KCNMA1: variants seen among roughly 807,000 people sequenced by gnomAD.
KCNMA1 encodes the protein Calcium-activated potassium channel subunit alpha-1.
A neutral mutation model predicts 140.0 loss-of-function variants in KCNMA1; 29 were observed. That is an observed-to-expected ratio of 0.21 (90% CI 0.15 to 0.28). KCNMA1 has a LOEUF of 0.28. Among genes scored for constraint, KCNMA1 ranks in the 10% least tolerant of loss-of-function variants. The probability of loss-of-function intolerance (pLI) is 1.00; values close to 1 mark genes in which losing one functional copy is unlikely to be tolerated. For synonymous variants in KCNMA1, 612 were observed against 611.9 expected, an observed-to-expected ratio of 1.00 and a Z score of 0.00; for missense variants, 880 against 1,602.2, an observed-to-expected ratio of 0.55 and a Z score of 7.70.
At chr10:77,417,175 C>CCCAAAGCTCT (rs1457099484) in intron 1 of KCNMA1, among the ~76,000 whole-genome samples, 1 of 152,206 alleles carries the variant, frequency 6.6e-6, no homozygotes, top group African/African-American at 2.4e-5. Flanking sequence ...GCTAGATCTC[C>CCCAAAGCTCT]CCAAAGCTCT....
chr10:77,000,541 A>G (rs2085899979), intron 19 of KCNMA1, among the ~76,000 whole-genome samples: 1 of 152,148 alleles, frequency 6.6e-6, no homozygotes, highest in Non-Finnish European at 1.5e-5. Flanking sequence ...GAGCTTGTGG[A>G]TGACAAAGAA....
In KCNMA1 at chr10:77,246,696, A is replaced by C. The variant is rs555811357; in HGVS notation, c.602+4499T>G. 2.0e-5 allele frequency among the ~76,000 whole-genome samples: 3 copies of C among 152,334 alleles called. No homozygotes were observed. In the East Asian group the frequency reaches 5.8e-4, roughly 29 times the overall value. Reference sequence around the variant, plus strand: ...CCTGGAAAATATTCAGCATTATCACATTTGAAGATGTTACAAACTAATAAA... The same window carrying C: ...CCTGGAAAATATTCAGCATTATCACCTTTGAAGATGTTACAAACTAATAAA... On this transcript the variant is annotated intron_variant, in intron 3 of 27. Coordinates refer to ENST00000286628, the MANE Select transcript of KCNMA1 (RefSeq NM_001161352.2).
intron 1 of KCNMA1, among the ~76,000 whole-genome samples, chr10:77,422,847 C>T (rs1383210086): frequency 6.6e-6 from 1 of 152,192 alleles, no homozygotes; most frequent in Admixed American, 6.5e-5. Context: ...AAGGAGAAAC[C>T]CTACAGGCTT....
intron 1 of KCNMA1, among the ~76,000 whole-genome samples, chr10:77,532,976 T>TC (rs1176047235): frequency 6.6e-6 from 1 of 152,240 alleles, no homozygotes; most frequent in Non-Finnish European, 1.5e-5. Flanking sequence ...CCTTAGCTCC[T>TC]CTACCATCTG....
intron 2 of KCNMA1, among the ~76,000 whole-genome samples, chr10:77,353,338 A>G (rs2093116592): frequency 6.6e-6 from 1 of 152,168 alleles, no homozygotes; most frequent in Admixed American, 6.5e-5. Flanking sequence ...GTAGGGCTCA[A>G]GAAGGATCAT....
intron 23 of KCNMA1, among the ~76,000 whole-genome samples, chr10:76,941,495 C>T (rs942330054): frequency 7.2e-5 from 11 of 152,108 alleles, no homozygotes; most frequent in African/African-American, 2.7e-4. Flanking sequence ...TTGATGGCTC[C>T]CACTGGACCA....
chr10:77,178,230 A>C (rs1464303210), intron 5 of KCNMA1, among the ~76,000 whole-genome samples: 3 of 152,186 alleles, frequency 2.0e-5, no homozygotes, highest in Non-Finnish European at 1.5e-5. Context: ...CAGTCAAAGA[A>C]CAGGGGATGG....
At chr10:77,446,653 C>A (rs902730154) in intron 1 of KCNMA1, among the ~76,000 whole-genome samples, 3 of 152,218 alleles carry the variant, frequency 2.0e-5, no homozygotes, top group African/African-American at 7.2e-5. Context: ...CAACAAAGGC[C>A]AATGGGGGTC....
chr10:76,948,968 C>A, intron 22 of KCNMA1, 174 bp downstream of exon 22: 2 of 697,256 alleles, frequency 2.9e-6, no homozygotes, highest in Non-Finnish European at 2.6e-6. Context: ...TTAATAAGGT[C>A]TCCCAGGGTT....
chr10:77,560,029 A>AG (rs2065856356), intron 1 of KCNMA1, among the ~76,000 whole-genome samples: 1 of 151,944 alleles, frequency 6.6e-6, no homozygotes, highest in Non-Finnish European at 1.5e-5. Context: ...TACAAAAAAA[A>AG]AAAATCAGCC....
chr10:77,203,324 C>T lies in KCNMA1; in HGVS notation c.603-18408G>A, dbSNP rs376895833. Among the ~76,000 whole-genome samples the T allele has an allele frequency of 1.4e-4, 22 of 152,268 alleles. No individual in the cohort carries two copies. In the South Asian group the frequency reaches 4.2e-3, roughly 29 times the overall value. Reference sequence around the variant, plus strand: ...AGAATGAACAGCAGCTAAGAATGGACGGGCTGCTGCATTCACTCCTCTGTT... The same window carrying T: ...AGAATGAACAGCAGCTAAGAATGGATGGGCTGCTGCATTCACTCCTCTGTT... On this transcript the variant is annotated intron_variant, in intron 3 of 27. Coordinates refer to ENST00000286628, the MANE Select transcript of KCNMA1 (RefSeq NM_001161352.2).
At chr10:76,960,850 T>C (rs10762742) in intron 20 of KCNMA1, among the ~76,000 whole-genome samples, 66,542 of 151,552 alleles carry the variant, frequency 0.44, 14,744 homozygotes, top group African/African-American at 0.49. Flanking sequence ...CATGATCTAC[T>C]GAATATTTTA....
chr10:77,441,515 C>T (rs2097399251), intron 1 of KCNMA1, among the ~76,000 whole-genome samples: 1 of 152,166 alleles, frequency 6.6e-6, no homozygotes, highest in African/African-American at 2.4e-5. Flanking sequence ...GAATTTGGCA[C>T]TCTGCGTCAT....
At chr10:77,005,561 C>T (rs1045086222) in intron 18 of KCNMA1, among the ~76,000 whole-genome samples, 2 of 152,176 alleles carry the variant, frequency 1.3e-5, no homozygotes, top group Non-Finnish European at 2.9e-5. Context: ...AAATACAAGG[C>T]TCTAGGGACT....
intron 2 of KCNMA1, among the ~76,000 whole-genome samples, chr10:77,258,861 G>A (rs2154262957): frequency 1.3e-5 from 2 of 152,236 alleles, no homozygotes; most frequent in South Asian, 4.2e-4. Flanking sequence ...TACTCAGGAG[G>A]CTGAGGCAGG....
chr10:77,237,896 C>T (rs1599617962), intron 3 of KCNMA1, among the ~76,000 whole-genome samples: 1 of 152,172 alleles, frequency 6.6e-6, no homozygotes, highest in Non-Finnish European at 1.5e-5. Flanking sequence ...TCAAGCAAAG[C>T]TCTGTGACCT....
At chr10:77,158,658 G>A (rs2098518640) in intron 5 of KCNMA1, among the ~76,000 whole-genome samples, 1 of 152,154 alleles carries the variant, frequency 6.6e-6, no homozygotes, top group South Asian at 2.1e-4. Context: ...GGCTTGCTAA[G>A]AAGTTGTCTT....
At chr10:77,195,013 A>G (rs558582381) in intron 3 of KCNMA1, among the ~76,000 whole-genome samples, 1 of 152,076 alleles carries the variant, frequency 6.6e-6, no homozygotes, top group Admixed American at 6.6e-5. Flanking sequence ...GCTTATATCT[A>G]TTTCTAACAT....
intron 1 of KCNMA1, among the ~76,000 whole-genome samples, chr10:77,534,561 T>G (rs2058426960): frequency 6.6e-6 from 1 of 152,234 alleles, no homozygotes; most frequent in South Asian, 2.1e-4. Context: ...TCATTTTTCC[T>G]GAAGGAACCT....
Sources: allele counts gnomAD v4.1 joint callset (sites outside exome capture counted in the v4.1 genomes callset), GRCh38; gene constraint gnomAD v4.1.1; transcripts MANE v1.5; gene names NCBI Gene and HGNC (gene_info 2026-07-23, HGNC 2026-07-21).